Variants in CPED1 observed in about 807,000 individuals in gnomAD.
CPED1 encodes the protein cadherin-like and PC-esterase domain-containing protein 1.
Under a neutral mutation model 128.2 loss-of-function variants are expected in CPED1, and 114 were observed. The observed-to-expected ratio is 0.89, with a 90% CI of 0.76 to 1.04. CPED1 has a LOEUF of 1.04. CPED1 is among the 50% of genes least tolerant of loss of function. The pLI, the probability that CPED1 is intolerant of heterozygous loss-of-function variation, is 0.00. For synonymous variants in CPED1, 462 were observed against 426.7 expected (o/e 1.08, Z -1.02); for missense variants, 1,211 against 1,207.1 (o/e 1.00, Z -0.05).
intron 7 of CPED1, among the ~76,000 whole-genome samples, chr7:121,119,381 A>C (rs959580530): frequency 5.3e-5 from 8 of 150,824 alleles, no homozygotes; most frequent in African/African-American, 1.9e-4. Flanking sequence ...TGGTCAGGCT[A>C]ATCTCCAACT....
At chr7:121,083,416 G>A (rs1794342171) in intron 5 of CPED1, among the ~76,000 whole-genome samples, 3 of 152,090 alleles carry the variant, frequency 2.0e-5, no homozygotes, top group Admixed American at 2.0e-4. Context: ...CTTCTTGGGA[G>A]GGTTTATGAT....
At chr7:121,131,835 T>C (rs1795678252) in intron 12 of CPED1, among the ~76,000 whole-genome samples, 1 of 152,044 alleles carries the variant, frequency 6.6e-6, no homozygotes, top group Non-Finnish European at 1.5e-5. Context: ...TTCAGTATGA[T>C]TACATAAAAT....
At chr7:121,197,854 A>G (rs776943970) in intron 16 of CPED1, among the ~76,000 whole-genome samples, 1 of 152,168 alleles carries the variant, frequency 6.6e-6, no homozygotes, top group South Asian at 2.1e-4. Context: ...AAATTGCCTC[A>G]TCTGTGGAGT....
At chr7:121,047,109 G>T in intron 4 of CPED1, 116 bp downstream of exon 4, 1 of 609,974 alleles carries the variant, frequency 1.6e-6, no homozygotes, top group Admixed American at 3.2e-5. Context: ...TATCTATGGA[G>T]AATCTTCCAA....
intron 2 of CPED1, among the ~76,000 whole-genome samples, chr7:121,003,947 C>T (rs1791934757): frequency 6.6e-6 from 1 of 152,178 alleles, no homozygotes; most frequent in Admixed American, 6.5e-5. Context: ...GAAACTTGGT[C>T]TACTTCTTTT....
rs911781114 is a variant in CPED1 at position 121,128,533 on chromosome 7, A to G, written c.1407+47A>G. 5.2e-6 allele frequency: 5 copies of G among 964,814 alleles called. No homozygotes were observed. In the African/African-American group the frequency reaches 6.4e-5, roughly 12 times the overall value. The allele number at this position is 964,814 out of a possible 1,614,324, so 59.8% of individuals were successfully genotyped here. ...ATTCTTTCTTGGTGACTGGGATTAG[A>G]GTAGATCACTGTAAGCTACCTGATT... is the stretch of plus-strand genomic sequence containing the variant. On this transcript the variant is annotated intron_variant, in intron 11 of 22. Coordinates refer to ENST00000310396, the MANE Select transcript of CPED1 (RefSeq NM_024913.5).
chr7:121,276,462 A>G (rs534377978), intron 22 of CPED1, among the ~76,000 whole-genome samples: 1 of 152,226 alleles, frequency 6.6e-6, no homozygotes, highest in East Asian at 1.9e-4. Context: ...TTCTTGAACT[A>G]AACAGTAGTA....
At chr7:121,076,768 A>G (rs987836018) in intron 5 of CPED1, 1 of 152,118 alleles carries the variant, frequency 6.6e-6, no homozygotes, top group Admixed American at 6.5e-5. Flanking sequence ...TAAATCTGCT[A>G]TTTCTTGCTG....
intron 4 of CPED1, among the ~76,000 whole-genome samples, chr7:121,048,014 T>C (rs1328466975): frequency 1.3e-5 from 2 of 152,128 alleles, no homozygotes; most frequent in African/African-American, 4.8e-5. Context: ...TTTTTTGGCA[T>C]TTGGGCTGAG....
chr7:121,028,412 C>A (rs944920651), intron 3 of CPED1, among the ~76,000 whole-genome samples: 1 of 152,154 alleles, frequency 6.6e-6, no homozygotes, highest in Admixed American at 6.5e-5. Flanking sequence ...CTGAATCAAC[C>A]TTTCACTTTG....
chr7:121,010,514 G>T (rs1392035723), intron 2 of CPED1, among the ~76,000 whole-genome samples: 1 of 152,194 alleles, frequency 6.6e-6, no homozygotes, highest in African/African-American at 2.4e-5. Flanking sequence ...TTCCCAAAGT[G>T]CTGGGATTAC....
chr7:121,253,689 T>G (rs937505236), intron 18 of CPED1, among the ~76,000 whole-genome samples: 6 of 152,028 alleles, frequency 3.9e-5, no homozygotes, highest in African/African-American at 1.4e-4. Flanking sequence ...AGACCCATCT[T>G]GATGTAAGAA....
chr7:121,278,795 C>G (rs565863086), intron 22 of CPED1, among the ~76,000 whole-genome samples: 7 of 152,160 alleles, frequency 4.6e-5, no homozygotes, highest in African/African-American at 1.7e-4. Context: ...CAAGGTCTCT[C>G]TCTTAAGAAG....
chr7:121,150,139 A>C (rs1337805253), intron 16 of CPED1, among the ~76,000 whole-genome samples: 1 of 151,470 alleles, frequency 6.6e-6, no homozygotes, highest in East Asian at 1.9e-4. Context: ...TTTGGGGTAC[A>C]ATTGAACCCA....
chr7:121,226,723 T>G (rs1395711706), intron 16 of CPED1, among the ~76,000 whole-genome samples: 1 of 152,114 alleles, frequency 6.6e-6, no homozygotes, highest in South Asian at 2.1e-4. Flanking sequence ...AATTGCTCTC[T>G]TCTTGAAAAA....
intron 22 of CPED1, among the ~76,000 whole-genome samples, chr7:121,292,657 C>T (rs1456347132): frequency 1.3e-5 from 2 of 152,094 alleles, no homozygotes; most frequent in Admixed American, 6.5e-5. Flanking sequence ...CGTGGATTTA[C>T]CTACCTTTGG....
chr7:121,050,058 A>C (rs748250147), intron 4 of CPED1, among the ~76,000 whole-genome samples: 6 of 152,160 alleles, frequency 3.9e-5, no homozygotes, highest in Non-Finnish European at 7.3e-5. Flanking sequence ...CACCACTATC[A>C]CCTCAAAAGC....
At chr7:121,223,986 A>C (rs1440116389) in intron 16 of CPED1, among the ~76,000 whole-genome samples, 1 of 150,636 alleles carries the variant, frequency 6.6e-6, no homozygotes, top group Non-Finnish European at 1.5e-5. Context: ...GATCTTAGTT[A>C]TTTCTTGCCT....
At chr7:121,257,448 G>A (rs1355757555) in intron 18 of CPED1, among the ~76,000 whole-genome samples, 1 of 152,066 alleles carries the variant, frequency 6.6e-6, no homozygotes, top group Non-Finnish European at 1.5e-5. Flanking sequence ...ATTTGAAAAG[G>A]TTGTATAAAT....
Sources: allele counts gnomAD v4.1 joint callset (sites outside exome capture counted in the v4.1 genomes callset), GRCh38; gene constraint gnomAD v4.1.1; transcripts MANE v1.5; gene names NCBI Gene and HGNC (gene_info 2026-07-23, HGNC 2026-07-21).